The following NMNAT2 variants were observed in gnomAD, a reference collection of about 807,000 sequenced individuals.
NMNAT2 encodes nicotinamide/nicotinic acid mononucleotide adenylyltransferase 2.
Under a neutral mutation model 41.6 loss-of-function variants are expected in NMNAT2, and 11 were observed. That is an observed-to-expected ratio of 0.26 (90% CI 0.17 to 0.44). NMNAT2 has a LOEUF of 0.44. NMNAT2 is among the 20% of genes least tolerant of loss of function. NMNAT2 has a pLI of 1.00. For missense variants in NMNAT2, 288 were observed against 407.7 expected (o/e 0.71, Z 2.53); for synonymous variants, 148 against 151.2 (o/e 0.98, Z 0.16).
intron 1 of NMNAT2, among the ~76,000 whole-genome samples, chr1:183,377,118 A>G (rs1663695684): frequency 6.6e-6 from 1 of 152,102 alleles, no homozygotes; most frequent in Non-Finnish European, 1.5e-5. Flanking sequence ...GAAATTCACG[A>G]AAGCTGGGAT....
At chr1:183,256,936 G>A (rs1221141873) in intron 10 of NMNAT2, among the ~76,000 whole-genome samples, 1 of 151,916 alleles carries the variant, frequency 6.6e-6, no homozygotes, top group Non-Finnish European at 1.5e-5. Flanking sequence ...ATTTTTAGTA[G>A]AGATGGGGTT....
At chr1:183,296,092 C>T (rs955859944) in intron 1 of NMNAT2, among the ~76,000 whole-genome samples, 2 of 152,034 alleles carry the variant, frequency 1.3e-5, no homozygotes, top group Non-Finnish European at 2.9e-5. Context: ...TCAGGAGATC[C>T]GCCTGCCACG....
intron 1 of NMNAT2, among the ~76,000 whole-genome samples, chr1:183,357,048 C>T (rs1663207565): frequency 6.6e-6 from 1 of 151,990 alleles, no homozygotes; most frequent in Admixed American, 6.6e-5. Flanking sequence ...AGACACAACA[C>T]ATGTCTCAAA....
chr1:183,302,545 A>G (rs1661884007), intron 1 of NMNAT2, among the ~76,000 whole-genome samples: 1 of 152,198 alleles, frequency 6.6e-6, no homozygotes, highest in Non-Finnish European at 1.5e-5. Flanking sequence ...CAATTCCTAG[A>G]GATAGCGAAT....
intron 1 of NMNAT2, among the ~76,000 whole-genome samples, chr1:183,389,246 T>C (rs1195077052): frequency 6.6e-6 from 1 of 152,196 alleles, no homozygotes; most frequent in Non-Finnish European, 1.5e-5. Context: ...CTGAGTAATA[T>C]AGAGTCTCTA....
intron 1 of NMNAT2, among the ~76,000 whole-genome samples, chr1:183,296,386 G>A (rs1661697938): frequency 6.6e-6 from 1 of 152,196 alleles, no homozygotes; most frequent in African/African-American, 2.4e-5. Flanking sequence ...CTGTCAAATT[G>A]TCTTCCAAAG....
intron 5 of NMNAT2, among the ~76,000 whole-genome samples, chr1:183,285,952 A>G (rs1029066966): frequency 6.6e-6 from 1 of 152,200 alleles, no homozygotes; most frequent in African/African-American, 2.4e-5. Flanking sequence ...GGTGTGACTC[A>G]TGGCCCTGCT....
At chr1:183,264,229 C>A (rs1042295114) in intron 8 of NMNAT2, among the ~76,000 whole-genome samples, 5 of 151,966 alleles carry the variant, frequency 3.3e-5, no homozygotes, top group African/African-American at 1.2e-4. Context: ...CTAATTTAAA[C>A]CATGAAAATA....
chr1:183,330,324 C>T (rs902901610), intron 1 of NMNAT2, among the ~76,000 whole-genome samples: 1 of 152,290 alleles, frequency 6.6e-6, no homozygotes, highest in East Asian at 1.9e-4. Context: ...CTCTGAAGAC[C>T]CAGGATTTGG....
chr1:183,390,065 A>C (rs537842371), intron 1 of NMNAT2, among the ~76,000 whole-genome samples: 1 of 152,144 alleles, frequency 6.6e-6, no homozygotes, highest in East Asian at 1.9e-4. Flanking sequence ...GGGGTTTGGA[A>C]GGCATTAACT....
chr1:183,286,793 GGA>G lies in NMNAT2; in HGVS notation c.322-7_322-6del, dbSNP rs760787989. 6.8e-6 allele frequency: 11 copies of G among 1,607,530 alleles called. No individual in the cohort carries two copies. The highest frequency in any genetic ancestry group is 8.5e-6 in the Non-Finnish European group (10 of 1,177,242). On this transcript the variant is annotated splice_region_variant and splice_polypyrimidine_tract_variant and intron_variant, in intron 4 of 10. Coordinates refer to ENST00000287713, the MANE Select transcript of NMNAT2 (RefSeq NM_015039.4). The stretch of plus-strand genomic sequence containing the variant: ...GAGGATGCAGCCAGTCACCCTCTAG[GGA>G]GAGAGAGAAGAGTGTTATTAGTCAT...
chr1:183,275,954 AAT>A (rs1188241771), intron 8 of NMNAT2, among the ~76,000 whole-genome samples: 2 of 152,106 alleles, frequency 1.3e-5, no homozygotes, highest in Non-Finnish European at 2.9e-5. Context: ...TTACAGGTGT[AAT>A]ACGCACCCAG....
intron 1 of NMNAT2, among the ~76,000 whole-genome samples, chr1:183,326,560 G>A (rs184390407): frequency 1.3e-5 from 2 of 152,220 alleles, no homozygotes; most frequent in East Asian, 3.9e-4. Context: ...AAGGCTCCAG[G>A]ACAGGGAAAA....
rs1660299476 is a variant in NMNAT2, at chr1:183,248,920, G to T, written c.*3721C>A. The T allele has an allele frequency of 6.5e-6, 1 of 152,828 alleles. No individual in the cohort carries two copies. The highest frequency in any genetic ancestry group is 2.4e-5 in the African/African-American group (1 of 41,330). 9.5% of individuals were successfully genotyped at this position (152,828 alleles called of 1,614,324 possible). A position where few individuals can be genotyped will look rare whatever the true frequency, so the allele number is the denominator to read the frequency against. ...TGTGTGTGTGTGTGTGTGTGTGTGTGTGTGTGTGTGTGTCAGTTTGAGGAG... is the reference window on the plus strand; with the variant it reads ...TGTGTGTGTGTGTGTGTGTGTGTGTTTGTGTGTGTGTGTCAGTTTGAGGAG... On this transcript the variant is annotated 3_prime_UTR_variant, in exon 11 of 11. Coordinates refer to ENST00000287713, the MANE Select transcript of NMNAT2 (RefSeq NM_015039.4).
At chr1:183,329,256 G>A (rs59100224) in intron 1 of NMNAT2, among the ~76,000 whole-genome samples, 5,027 of 152,226 alleles carry the variant, frequency 0.033, 220 homozygotes, top group African/African-American at 0.1. Flanking sequence ...GTGTATGTGT[G>A]TGTGAAGAAA....
intron 1 of NMNAT2, among the ~76,000 whole-genome samples, chr1:183,336,603 C>G (rs1662681707): frequency 2.0e-5 from 3 of 152,170 alleles, no homozygotes; most frequent in Admixed American, 6.5e-5. Flanking sequence ...AATTCTCATA[C>G]GTTGCTGGTA....
intron 7 of NMNAT2, among the ~76,000 whole-genome samples, chr1:183,282,232 C>T (rs1661289686): frequency 6.6e-6 from 1 of 152,234 alleles, no homozygotes; most frequent in African/African-American, 2.4e-5. Flanking sequence ...AGGGGACAGG[C>T]AGAGCCTCAG....
chr1:183,397,645 A>G (rs1648687375), intron 1 of NMNAT2, among the ~76,000 whole-genome samples: 1 of 152,268 alleles, frequency 6.6e-6, no homozygotes, highest in Non-Finnish European at 1.5e-5. Flanking sequence ...AAAAAATGTT[A>G]AGAGCAGCCA....
At chr1:183,316,291 A>T (rs1662248292) in intron 1 of NMNAT2, among the ~76,000 whole-genome samples, 1 of 152,132 alleles carries the variant, frequency 6.6e-6, no homozygotes, top group Non-Finnish European at 1.5e-5. Context: ...GGCAGGGCTC[A>T]GTGTCTGTGT....
Sources: gnomAD v4.1 joint callset for allele counts (sites outside exome capture counted in the v4.1 genomes callset) on GRCh38, gnomAD v4.1.1 for gene constraint, MANE v1.5 for transcripts, NCBI Gene and HGNC (gene_info 2026-07-23, HGNC 2026-07-21) for gene names.